KRT79: variants seen among roughly 807,000 people sequenced by gnomAD.
KRT79 encodes keratin, type II cytoskeletal 79.
Under a neutral mutation model 49.0 loss-of-function variants are expected in KRT79, and 51 were observed. The ratio of observed to expected loss-of-function variants is 1.04; its 90% CI spans 0.83 to 1.31. The LOEUF (loss-of-function observed/expected upper bound fraction) is 1.31. Ranked by LOEUF, KRT79 falls within the 40% of genes most tolerant of loss-of-function variation. The pLI is 0.00. For missense variants in KRT79, 728 were observed against 688.0 expected, an observed-to-expected ratio of 1.06 and a Z score of -0.65; for synonymous variants, 312 against 286.6, an observed-to-expected ratio of 1.09 and a Z score of -0.90.
intron 2 of KRT79, 36 bp downstream of exon 2, chr12:52,831,370 A>ACT: frequency 6.3e-7 from 1 of 1,593,880 alleles, no homozygotes; most frequent in Non-Finnish European, 8.6e-7. Flanking sequence ...GCCCCTCCTC[A>ACT]CTCCCACATG....
At position 52,823,185 on chromosome 12, in the gene KRT79, C is replaced by T. The variant is rs575384123; in HGVS notation, c.1198G>A (p.Ala400Thr). 2.0e-5 allele frequency: 32 copies of T among 1,614,210 alleles called. No homozygotes were observed. In the East Asian group the frequency reaches 3.6e-4, roughly 18 times the overall value. Reference sequence around the variant, plus strand: ...AGCTTCTTCTGAGCATCCTTGAGTGCCAGCTCCCCACGCTGCTCCGCTTCC... The same window carrying T: ...AGCTTCTTCTGAGCATCCTTGAGTGTCAGCTCCCCACGCTGCTCCGCTTCC... ...IAEAEQRGEL[A>T]LKDAQKKLGD... Residue 400 changes from alanine to threonine, a missense_variant, in exon 7 of 9, where the codon GCA becomes ACA. By Grantham distance (58) the Ala-to-Thr change is moderately conservative (BLOSUM62 0). Coordinates refer to ENST00000330553, the MANE Select transcript of KRT79 (RefSeq NM_175834.3).
chr12:52,826,005 T>G lies in KRT79; in HGVS notation c.856-1643A>C, dbSNP rs547727688. On this transcript the variant is annotated intron_variant, in intron 4 of 8. Coordinates refer to ENST00000330553, the MANE Select transcript of KRT79 (RefSeq NM_175834.3). ...CACTGGAGGTGCCCATAAGGTCTAT[T>G]TGTCACAGATAAGATTGTGTTGTCA... 9.2e-5 allele frequency among the ~76,000 whole-genome samples: 14 copies of G among 152,200 alleles called. No homozygotes were observed. The South Asian group carries it at 2.7e-3, about 29-fold the overall frequency.
chr12:52,824,793 C>G (rs1366808442), intron 4 of KRT79, among the ~76,000 whole-genome samples: 1 of 152,150 alleles, frequency 6.6e-6, no homozygotes, highest in African/African-American at 2.4e-5. Context: ...CCAGCACCAG[C>G]CAAGTCACCA....
rs769331403 is a variant in KRT79, at chr12:52,834,217, C to T, written c.44G>A (p.Gly15Asp). Residue 15 changes from glycine to aspartate, a missense_variant, in exon 1 of 9, where the codon GGC (glycine) becomes GAC (aspartate). Physicochemically the swap from Gly to Asp is moderately conservative, Grantham distance 94. Coordinates refer to ENST00000330553, the MANE Select transcript of KRT79 (RefSeq NM_175834.3). ...VSRQTYSTKG[G>D]FSSNSASGGS... The stretch of plus-strand genomic sequence containing the variant: ...TCCGCTGGCAGAGTTGGAGCTGAAG[C>T]CCCCTTTTGTGGAGTATGTTTGCCG... The T allele has an allele frequency of 5.6e-6, 9 of 1,613,796 alleles. No homozygotes were observed. In the East Asian group the frequency reaches 1.3e-4, roughly 24 times the overall value.
At chr12:52,832,802 G>T (rs1282841610) in intron 1 of KRT79, among the ~76,000 whole-genome samples, 2 of 152,138 alleles carry the variant, frequency 1.3e-5, no homozygotes, top group Admixed American at 1.3e-4. Context: ...TCCCGCCTCT[G>T]CCTCCAACTC....
At chr12:52,831,384 C>T (rs375176330) in intron 2 of KRT79, 22 bp downstream of exon 2, 3 of 1,609,942 alleles carry the variant, frequency 1.9e-6, no homozygotes, top group Non-Finnish European at 1.7e-6. Flanking sequence ...CCACATGGCC[C>T]CGCCTGGCCT....
In KRT79 at chr12:52,822,996, C is replaced by A. The variant is rs568888076; in HGVS notation, c.1367+20G>T. 7 of 1,609,574 alleles carry A rather than the reference C, an allele frequency of 4.3e-6. No homozygotes were observed. The highest frequency in any genetic ancestry group is 5.9e-6 in the Non-Finnish European group (7 of 1,178,414). ...GCAGGCCCGACCCAGCTTTCTGGGT[C>A]GGGCAGGAGGGGCCACCACCTGCTC... On this transcript the variant is annotated intron_variant, in intron 7 of 8. Transcript: ENST00000330553.
rs765343549 is a variant in KRT79 at position 52,833,881 on chromosome 12, AG to A, written c.379del (p.Leu127SerfsTer146). On this transcript the variant is annotated frameshift_variant, in exon 1 of 9. Transcript: ENST00000330553. LOFTEE classifies it high-confidence loss of function. Reference sequence around the variant, plus strand: ...GATCTCGGGGTCAATCTCCACATGGAGGGGGGTCAGCAGGCTCTGGTTGACA... The same window carrying A: ...GATCTCGGGGTCAATCTCCACATGGAGGGGGTCAGCAGGCTCTGGTTGACA... Reference protein sequence around the residue: ...VTVNQSLLTPLHVEIDPEIQR... With the variant: ...VTVNQSLLTPXHVEIDPEIQR... The A allele has an allele frequency of 2.4e-5, 39 of 1,613,612 alleles. No homozygotes were observed. The highest frequency in any genetic ancestry group is 3.1e-5 in the Non-Finnish European group (37 of 1,179,916).
chr12:52,826,307 A>C (rs1352856637), intron 4 of KRT79, among the ~76,000 whole-genome samples: 2 of 152,016 alleles, frequency 1.3e-5, no homozygotes, highest in East Asian at 3.9e-4. Flanking sequence ...GCATTTTGGG[A>C]GTTCAAGGCT....
chr12:52,823,128 T>C lies in KRT79; in HGVS notation c.1255A>G (p.Lys419Glu), dbSNP rs1339616776. The C allele has an allele frequency of 1.2e-5, 19 of 1,614,104 alleles. No homozygotes were observed. The highest frequency in any genetic ancestry group is 1.6e-5 in the Non-Finnish European group (19 of 1,180,044). ...GDLDVALHQA[K>E]EDLTRLLRDY... ...CGCAGCAGCCGTGTCAGGTCCTCCTTGGCCTGGTGCAGGGCCACATCCAGA... is the reference window on the plus strand; with the variant it reads ...CGCAGCAGCCGTGTCAGGTCCTCCTCGGCCTGGTGCAGGGCCACATCCAGA... Residue 419 changes from lysine (K) to glutamate (E), a missense_variant, in exon 7 of 9, where the codon AAG becomes GAG. Lys to Glu is a moderately conservative substitution (Grantham distance 56, BLOSUM62 1). Transcript: ENST00000330553.
rs2121272821 is a variant in KRT79, at chr12:52,821,681, T to G, written c.*191A>C. 6.6e-6 allele frequency: 4 copies of G among 610,636 alleles called. No individual in the cohort carries two copies. Among genetic ancestry groups the G allele is most frequent in the Non-Finnish European group, 8.7e-6 (3 of 345,942 alleles). The allele number at this position is 610,636 out of a possible 1,614,324, so 37.8% of individuals were successfully genotyped here. ...GCAACTTTAACCTTCCCTCCCATCC[T>G]ACTGCAGGACCAAGGAGAAAACCTG... On this transcript the variant is annotated 3_prime_UTR_variant, in exon 9 of 9. Coordinates refer to ENST00000330553, the MANE Select transcript of KRT79 (RefSeq NM_175834.3).
intron 1 of KRT79, among the ~76,000 whole-genome samples, chr12:52,832,514 G>A (rs1225556223): frequency 6.6e-6 from 1 of 151,502 alleles, no homozygotes; most frequent in Non-Finnish European, 1.5e-5. Flanking sequence ...CAGACCTCCA[G>A]CTCCCAAGCT....
chr12:52,825,384 C>T (rs932572997), intron 4 of KRT79, among the ~76,000 whole-genome samples: 56 of 152,320 alleles, frequency 3.7e-4, no homozygotes, highest in African/African-American at 1.3e-3. Context: ...AATAACAACC[C>T]TCGCATGCTG....
At chr12:52,831,345 G>T in intron 2 of KRT79, 61 bp downstream of exon 2, 1 of 1,512,888 alleles carries the variant, frequency 6.6e-7, no homozygotes, top group Non-Finnish European at 9.2e-7. Context: ...TGGCCCTCTT[G>T]GCAGGTTTCC....
chr12:52,833,628 G>A (rs529553529), intron 1 of KRT79, among the ~76,000 whole-genome samples, 156 bp downstream of exon 1: 2 of 152,184 alleles, frequency 1.3e-5, no homozygotes, highest in South Asian at 4.1e-4. Flanking sequence ...AGCCACCCAC[G>A]TCTCGGCATC....
Position 52,833,950 on chromosome 12 carries a change from G to A in KRT79, c.311C>T (p.Thr104Met), listed in dbSNP as rs143471796. 62 of 1,613,282 alleles carry A rather than the reference G, an allele frequency of 3.8e-5. No homozygotes were observed. Among genetic ancestry groups the A allele is most frequent in the African/African-American group, 3.2e-4 (24 of 74,962 alleles). The change falls in exon 1 of 9, where the codon ACG becomes ATG. Residue 104 changes from threonine (T) to methionine (M), a missense_variant. Coordinates refer to ENST00000330553, the MANE Select transcript of KRT79 (RefSeq NM_175834.3). The stretch of plus-strand genomic sequence containing the variant: ...CCCAGGAGGACAAGCAGGCCCAAAC[G>A]TCTGCCTGCCAGCCCCCTGTCCCAT... ...AFMGQGAGRQ[T>M]FGPACPPGGI...
Position 52,832,775 on chromosome 12 carries a change from A to G in KRT79, c.477+1009T>C, listed in dbSNP as rs563797774. On this transcript the variant is annotated intron_variant, in intron 1 of 8. Coordinates refer to ENST00000330553, the MANE Select transcript of KRT79 (RefSeq NM_175834.3). ...CTTAGTGCCAAGAACCACAGAGTCC[A>G]GGGGCCTGGGTCCCAGTCCCGCCTC... Among the ~76,000 whole-genome samples, 141 of 152,270 alleles carry G rather than the reference A, an allele frequency of 9.3e-4. 5 individuals are homozygous for G. The East Asian group carries it at 0.027, about 29-fold the overall frequency.
chr12:52,830,224 C>T lies in KRT79; in HGVS notation c.759+8G>A, dbSNP rs370001466. 29 of 1,614,078 alleles carry T rather than the reference C, an allele frequency of 1.8e-5. No homozygotes were observed. Among genetic ancestry groups the T allele is most frequent in the African/African-American group, 1.7e-4 (13 of 74,940 alleles). ...AAAGGACCACCTCCCCCACTCCACT[C>T]GGCTCACCTTCTTGAGCACCACAAA... On this transcript the variant is annotated splice_region_variant and intron_variant, in intron 3 of 8. Transcript: ENST00000330553.
rs75633465 is a variant in KRT79 at position 52,831,622 on chromosome 12, C to T, written c.482G>A (p.Arg161Gln). ...NKFASFIDKV[R>Q]FLEQQNKVLE... The stretch of plus-strand genomic sequence containing the variant: ...CACCTTATTCTGTTGCTCCAGGAAC[C>T]GCACCTGAGCCAGAGCAGAAAGGGT... The change falls in exon 2 of 9, where the codon CGG becomes CAG. Residue 161 changes from arginine to glutamine, a missense_variant. By Grantham distance (43) the Arg-to-Gln change is conservative. Coordinates refer to ENST00000330553, the MANE Select transcript of KRT79 (RefSeq NM_175834.3). 3.9e-3 allele frequency: 6,306 copies of T among 1,613,348 alleles called. 219 individuals are homozygous for T. In the African/African-American group the frequency reaches 0.073, roughly 19 times the overall value.
Sources: allele counts gnomAD v4.1 joint callset (sites outside exome capture counted in the v4.1 genomes callset), GRCh38; gene constraint gnomAD v4.1.1; transcripts MANE v1.5; gene names NCBI Gene and HGNC (gene_info 2026-07-23, HGNC 2026-07-21).